The following APBB3 variants were observed in gnomAD, a reference collection of about 807,000 sequenced individuals.
The protein encoded by APBB3 is amyloid-beta A4 precursor protein-binding family B member 3.
In APBB3, 50 loss-of-function variants were observed where a neutral mutation model predicts 61.5. The ratio of observed to expected loss-of-function variants is 0.81; its 90% CI spans 0.65 to 1.03. The LOEUF (loss-of-function observed/expected upper bound fraction) is 1.03, where lower values mean the gene tolerates loss of function less well. Among genes scored for constraint, APBB3 ranks in the 50% least tolerant of loss-of-function variants. The pLI, the probability that APBB3 is intolerant of heterozygous loss-of-function variation, is 0.00. For synonymous variants in APBB3, 235 were observed against 233.0 expected (o/e 1.01, Z -0.08); for missense variants, 550 against 637.4 (o/e 0.86, Z 1.48).
rs1755068858 is a variant in APBB3, at chr5:140,563,615, A to G, written c.269T>C (p.Leu90Pro). Residue 90 changes from leucine (L) to proline (P), a missense_variant, in exon 3 of 13, where the codon CTG becomes CCG. Leu to Pro is a moderately conservative substitution (Grantham distance 98). Around this residue, in one of 3 missense-constraint regions of APBB3, gnomAD observed 405 missense variants for 483.4 expected, o/e 0.84. Transcript: ENST00000357560. ...RPPKGRSFSS[L>P]ESSLDRSNSL... is the part of the protein sequence containing the mutation. The stretch of plus-strand genomic sequence containing the variant: ...TTACCTCCGGTCCAGTGAACTCTCC[A>G]GGCTGGAGAAGGATCTCCCTTTGGG... The G allele has an allele frequency of 1.9e-6, 3 of 1,614,164 alleles. No homozygotes were observed. Among genetic ancestry groups the G allele is most frequent in the Non-Finnish European group, 2.5e-6 (3 of 1,180,034 alleles).
Position 140,563,906 on chromosome 5 carries a change from C to A in APBB3, c.59G>T (p.Trp20Leu), listed in dbSNP as rs761240609. 10 of 1,613,578 alleles carry A rather than the reference C, an allele frequency of 6.2e-6. No individual in the cohort carries two copies. The highest frequency in any genetic ancestry group is 7.6e-6 in the Non-Finnish European group (9 of 1,179,894). The change falls in exon 2 of 13, where the codon TGG becomes TTG. Residue 20 changes from tryptophan to leucine, a missense_variant. Physicochemically the swap from Trp to Leu is moderately conservative, Grantham distance 61 (BLOSUM62 -2). This residue lies in a region of APBB3 where 405 missense variants were observed against 483.4 expected (regional missense o/e 0.84). Coordinates refer to ENST00000357560, the MANE Select transcript of APBB3 (RefSeq NM_133173.3). ...IILVNCDDDL[W>L]GDHSLEVEAG... ...CTCCACCTCCAGACTGTGGTCCCCC[C>A]ACAAGTCATCTACAGGAACACCGGA... is the stretch of plus-strand genomic sequence containing the variant.
rs1013445991 is a variant in APBB3 at position 140,564,413 on chromosome 5, G to A, written c.-168C>T. The A allele has an allele frequency of 3.4e-5, 27 of 783,428 alleles. No individual in the cohort carries two copies. Among genetic ancestry groups the A allele is most frequent in the Non-Finnish European group, 5.0e-5 (25 of 498,866 alleles). 48.5% of individuals were successfully genotyped at this position (783,428 alleles called of 1,614,324 possible). A position where few individuals can be genotyped will look rare whatever the true frequency, so the allele number is the denominator to read the frequency against. On this transcript the variant is annotated 5_prime_UTR_variant, in exon 1 of 13. Transcript: ENST00000357560. This position sits in a 1 kb window ranked among gnomAD's most constrained non-coding sequence, Gnocchi z 5.0. ...ACGGGGCGGGACACGGGCCGGTCCCGGGGGAGGGCCTGAGCCGCACAGCCC... is the reference window on the plus strand; with the variant it reads ...ACGGGGCGGGACACGGGCCGGTCCCAGGGGAGGGCCTGAGCCGCACAGCCC...
chr5:140,562,138 C>T lies in APBB3; in HGVS notation c.588G>A (p.Val196=). 3.1e-6 allele frequency: 5 copies of T among 1,614,196 alleles called. No homozygotes were observed. Among genetic ancestry groups the T allele is most frequent in the Non-Finnish European group, 4.2e-6 (5 of 1,180,024 alleles). ...DHSLIHCQPL[V]HIRVWGVGSS... is the part of the protein sequence containing the mutation. Reference sequence around the variant, plus strand: ...TCCCCACGCCCCACACACGGATGTGCACCAGAGGCTGGCAGTGGATCAGAC... The same window carrying T: ...TCCCCACGCCCCACACACGGATGTGTACCAGAGGCTGGCAGTGGATCAGAC... The change falls in exon 6 of 13, where the codon GTG becomes GTA. Residue 196 remains valine (V), a synonymous_variant. Coordinates refer to ENST00000357560, the MANE Select transcript of APBB3 (RefSeq NM_133173.3).
In APBB3 at chr5:140,563,904, CCCA is replaced by C. The variant is rs1162687095; in HGVS notation, c.58_60del (p.Trp20del). 1 of 1,613,528 alleles carries C rather than the reference CCCA, an allele frequency of 6.2e-7. No homozygotes were observed. The highest frequency in any genetic ancestry group is 8.5e-7 in the Non-Finnish European group (1 of 1,179,912). On this transcript the variant is annotated inframe_deletion, in exon 2 of 13. Coordinates refer to ENST00000357560, the MANE Select transcript of APBB3 (RefSeq NM_133173.3). ...GCCTCCACCTCCAGACTGTGGTCCC[CCCA>C]CAAGTCATCTACAGGAACACCGGAT...
chr5:140,558,520 G>T lies in APBB3; in HGVS notation c.*65C>A. On this transcript the variant is annotated 3_prime_UTR_variant, in exon 13 of 13. Transcript: ENST00000357560. Reference sequence around the variant, plus strand: ...AGGAGTGACAGGCTATAGGCCTTGAGGAATAAAACGGTACAGAGTTAGGCA... The same window carrying T: ...AGGAGTGACAGGCTATAGGCCTTGATGAATAAAACGGTACAGAGTTAGGCA... The T allele has an allele frequency of 1.3e-6, 2 of 1,490,196 alleles. No homozygotes were observed. The highest frequency in any genetic ancestry group is 1.9e-6 in the Non-Finnish European group (2 of 1,066,952). 92.3% of individuals were successfully genotyped at this position (1,490,196 alleles called of 1,614,324 possible). A position where few individuals can be genotyped will look rare whatever the true frequency, so the allele number is the denominator to read the frequency against.
chr5:140,559,828 G>T (rs1754867720), intron 12 of APBB3, among the ~76,000 whole-genome samples: 1 of 152,248 alleles, frequency 6.6e-6, no homozygotes, highest in African/African-American at 2.4e-5. Flanking sequence ...GTGAAGGCAA[G>T]GGCTGTGCCC....
chr5:140,560,328 C>G lies in APBB3; in HGVS notation c.1209G>C (p.Val403=). 6.2e-7 allele frequency: 1 copy of G among 1,613,936 alleles called. No individual in the cohort carries two copies. Among genetic ancestry groups the G allele is most frequent in the East Asian group, 2.2e-5 (1 of 44,880 alleles). Residue 403 remains valine (V), a synonymous_variant, in exon 12 of 13, where the codon GTG becomes GTC. Coordinates refer to ENST00000357560, the MANE Select transcript of APBB3 (RefSeq NM_133173.3). The surrounding 1 kb of genome is among the most constrained non-coding windows in gnomAD (Gnocchi z 5.1). ...CATGACTCACCATACAGGCAGCCTGCACAGCTTCAGAGAGTCCCCCTGCAT... is the reference window on the plus strand; with the variant it reads ...CATGACTCACCATACAGGCAGCCTGGACAGCTTCAGAGAGTCCCCCTGCAT... The part of the protein sequence containing the change: ...QPHAGGLSEA[V]QAACMVQYQK...
rs376168371 is a variant in APBB3, at chr5:140,564,161, G to A, written c.49+36C>T. 1.9e-6 allele frequency: 3 copies of A among 1,613,524 alleles called. No individual in the cohort carries two copies. The highest frequency in any genetic ancestry group is 1.3e-5 in the African/African-American group (1 of 74,898). ...TTTCGGATTCCCTCGTCCTCCCTCA[G>A]CTCCTGGTCTTCCCACCGGGCCCCT... On this transcript the variant is annotated intron_variant, in intron 1 of 12. Coordinates refer to ENST00000357560, the MANE Select transcript of APBB3 (RefSeq NM_133173.3). The surrounding 1 kb of genome is among the most constrained non-coding windows in gnomAD (Gnocchi z 5.0).
rs770462384 is a variant in APBB3, at chr5:140,561,347, G to C, written c.832+18C>G. Reference sequence around the variant, plus strand: ...CAAAGCACCCCAATGCAGCAATGCAGGTCTCCCCTCCCCATACCTTGCCGT... The same window carrying C: ...CAAAGCACCCCAATGCAGCAATGCACGTCTCCCCTCCCCATACCTTGCCGT... On this transcript the variant is annotated intron_variant, in intron 9 of 12. Coordinates refer to ENST00000357560, the MANE Select transcript of APBB3 (RefSeq NM_133173.3). 6.2e-7 allele frequency: 1 copy of C among 1,613,822 alleles called. No individual in the cohort carries two copies. Among genetic ancestry groups the C allele is most frequent in the Non-Finnish European group, 8.5e-7 (1 of 1,179,716 alleles).
At chr5:140,558,895 G>A in intron 12 of APBB3, 74 bp from the exon 13 acceptor site, 4 of 1,368,466 alleles carry the variant, frequency 2.9e-6, no homozygotes, top group Non-Finnish European at 4.2e-6. Context: ...GCAGGACAGG[G>A]AACTGGCCAA....
rs745441682 is a variant in APBB3 at position 140,558,705 on chromosome 5, G to A, written c.1341C>T (p.Pro447=). 8 of 1,610,834 alleles carry A rather than the reference G, an allele frequency of 5.0e-6. No homozygotes were observed. The highest frequency in any genetic ancestry group is 2.7e-5 in the African/African-American group (2 of 74,530). ...RTSSMDSPGG[P]LPLPLLKGGV... is the part of the protein sequence containing the mutation. ...CTCCTTTGAGCAGGGGGAGGGGCAG[G>A]GGACCTCCTGGGGAATCCATGGAGC... Residue 447 remains proline (P), a synonymous_variant, in exon 13 of 13, where the codon CCC becomes CCT. Coordinates refer to ENST00000357560, the MANE Select transcript of APBB3 (RefSeq NM_133173.3).
In APBB3 at chr5:140,558,695, G is replaced by T. The variant is rs753336111; in HGVS notation, c.1351C>A (p.Pro451Thr). The T allele has an allele frequency of 7.4e-6, 12 of 1,611,952 alleles. No homozygotes were observed. The highest frequency in any genetic ancestry group is 1.0e-5 in the Non-Finnish European group (12 of 1,179,452). ...CCGCCAACCCCTCCTTTGAGCAGGGGGAGGGGCAGGGGACCTCCTGGGGAA... is the reference window on the plus strand; with the variant it reads ...CCGCCAACCCCTCCTTTGAGCAGGGTGAGGGGCAGGGGACCTCCTGGGGAA... ...MDSPGGPLPL[P>T]LLKGGVGGAG... The change falls in exon 13 of 13, where the codon CCC becomes ACC. Residue 451 changes from proline to threonine, a missense_variant. Coordinates refer to ENST00000357560, the MANE Select transcript of APBB3 (RefSeq NM_133173.3).
intron 5 of APBB3, 50 bp downstream of exon 5, chr5:140,562,303 A>G: frequency 6.2e-7 from 1 of 1,611,280 alleles, no homozygotes; most frequent in East Asian, 2.2e-5. Context: ...AGGGACAGCT[A>G]CCTCTGCTGG....
In APBB3 at chr5:140,564,377, C is replaced by T. The variant is rs1466591121; in HGVS notation, c.-132G>A. 15 of 1,022,850 alleles carry T rather than the reference C, an allele frequency of 1.5e-5. No individual in the cohort carries two copies. The highest frequency in any genetic ancestry group is 3.2e-5 in the African/African-American group (2 of 62,842). The allele number at this position is 1,022,850 out of a possible 1,614,324, so 63.4% of individuals were successfully genotyped here. The stretch of plus-strand genomic sequence containing the variant: ...GGGGCCAGCTGGCGCCGCACAAATA[C>T]GGGGCGGGACACGGGGCGGGACACG... On this transcript the variant is annotated 5_prime_UTR_variant, in exon 1 of 13. Coordinates refer to ENST00000357560, the MANE Select transcript of APBB3 (RefSeq NM_133173.3). This position sits in a 1 kb window ranked among gnomAD's most constrained non-coding sequence, Gnocchi z 5.0.
Position 140,564,402 on chromosome 5 carries a change from G to A in APBB3, c.-157C>T. ...CGGGGCGGGACACGGGGCGGGACAC[G>A]GGCCGGTCCCGGGGGAGGGCCTGAG... On this transcript the variant is annotated 5_prime_UTR_variant, in exon 1 of 13. Coordinates refer to ENST00000357560, the MANE Select transcript of APBB3 (RefSeq NM_133173.3). The surrounding 1 kb of genome is among the most constrained non-coding windows in gnomAD (Gnocchi z 5.0). The A allele has an allele frequency of 1.2e-6, 1 of 868,792 alleles. No homozygotes were observed. The highest frequency in any genetic ancestry group is 2.5e-5 in the Admixed American group (1 of 40,012). 53.8% of individuals were successfully genotyped at this position (868,792 alleles called of 1,614,324 possible).
chr5:140,562,144 A>G lies in APBB3; in HGVS notation c.582T>C (p.Pro194=). Residue 194 remains proline, a synonymous_variant, in exon 6 of 13, where the codon CCT becomes CCC. Coordinates refer to ENST00000357560, the MANE Select transcript of APBB3 (RefSeq NM_133173.3). ...PLDHSLIHCQ[P]LVHIRVWGVG... ...CGCCCCACACACGGATGTGCACCAG[A>G]GGCTGGCAGTGGATCAGACTGTGGT... is the stretch of plus-strand genomic sequence containing the variant. The G allele has an allele frequency of 1.2e-6, 2 of 1,614,202 alleles. No individual in the cohort carries two copies. Among genetic ancestry groups the G allele is most frequent in the Non-Finnish European group, 1.7e-6 (2 of 1,180,028 alleles).
Position 140,558,682 on chromosome 5 carries a change from CCTT to C in APBB3, c.1361_1363del (p.Lys454_Gly455delinsArg), listed in dbSNP as rs761036999. The C allele has an allele frequency of 8.2e-5, 132 of 1,612,802 alleles. No homozygotes were observed. Among genetic ancestry groups the C allele is most frequent in the Non-Finnish European group, 1.0e-4 (121 of 1,179,644 alleles). On this transcript the variant is annotated inframe_deletion, in exon 13 of 13. Coordinates refer to ENST00000357560, the MANE Select transcript of APBB3 (RefSeq NM_133173.3). ...GGTTGCCCCTGCACCGCCAACCCCT[CCTT>C]TGAGCAGGGGGAGGGGCAGGGGACC...
intron 6 of APBB3, 87 bp downstream of exon 6, chr5:140,562,013 A>G (rs1206432093): frequency 1.9e-6 from 3 of 1,612,654 alleles, no homozygotes; most frequent in East Asian, 4.5e-5. Flanking sequence ...CAGGGGTTCA[A>G]GTACTGGGGA....
At chr5:140,561,252 A>C in intron 9 of APBB3, 113 bp downstream of exon 9, 1 of 1,480,944 alleles carries the variant, frequency 6.8e-7, no homozygotes, top group Non-Finnish European at 9.4e-7. Context: ...GATCCCTGAG[A>C]CCAGACATCT....
Sources: allele counts gnomAD v4.1 joint callset (sites outside exome capture counted in the v4.1 genomes callset), GRCh38; gene constraint gnomAD v4.1.1; regional missense constraint gnomAD v4.1.1; non-coding constraint Gnocchi (gnomAD v3.1); transcripts MANE v1.5; gene names NCBI Gene and HGNC (gene_info 2026-07-23, HGNC 2026-07-21).